The following SLC1A2 variants were observed in gnomAD, a reference collection of about 807,000 sequenced individuals.
SLC1A2 encodes solute carrier family 1 member 2.
In SLC1A2, 15 loss-of-function variants were observed where a neutral mutation model predicts 48.8. That is an observed-to-expected ratio of 0.31 (90% CI 0.21 to 0.47). SLC1A2 has a LOEUF of 0.47. Ranked by LOEUF, SLC1A2 falls within the 20% of genes least tolerant of loss-of-function variation. The pLI is 0.99. For missense variants in SLC1A2, 502 were observed against 730.5 expected (o/e 0.69, Z 3.61); for synonymous variants, 279 against 272.6 (o/e 1.02, Z -0.23).
chr11:35,352,238 C>G (rs1313381257), intron 1 of SLC1A2: 1 of 152,202 alleles, frequency 6.6e-6, no homozygotes, highest in Non-Finnish European at 1.5e-5. Flanking sequence ...TACTTACATA[C>G]CATGCCCTGG....
chr11:35,303,694 T>C (rs1356259672), intron 5 of SLC1A2, among the ~76,000 whole-genome samples: 1 of 152,196 alleles, frequency 6.6e-6, no homozygotes, highest in Non-Finnish European at 1.5e-5. Context: ...CAGCAGAAAC[T>C]GGCCATATCT....
At chr11:35,397,523 T>C (rs2135261189) in intron 1 of SLC1A2, among the ~76,000 whole-genome samples, 1 of 151,294 alleles carries the variant, frequency 6.6e-6, no homozygotes, top group African/African-American at 2.4e-5. Flanking sequence ...TATACAAAAA[T>C]CAATTCAAGA....
intron 1 of SLC1A2, among the ~76,000 whole-genome samples, chr11:35,358,376 T>C (rs1853558233): frequency 6.6e-6 from 1 of 152,176 alleles, no homozygotes; most frequent in Admixed American, 6.5e-5. Flanking sequence ...ATTAATCATG[T>C]TTTTAAAAGC....
At chr11:35,318,221 T>C (rs1851946179) in intron 1 of SLC1A2, among the ~76,000 whole-genome samples, 1 of 152,218 alleles carries the variant, frequency 6.6e-6, no homozygotes, top group South Asian at 2.1e-4. Flanking sequence ...CAAGCCCTTT[T>C]CTGGGTTAAC....
intron 1 of SLC1A2, among the ~76,000 whole-genome samples, chr11:35,415,970 C>A (rs1239853712): frequency 6.6e-6 from 1 of 152,156 alleles, no homozygotes; most frequent in Non-Finnish European, 1.5e-5. Flanking sequence ...GGGTCAGGGA[C>A]CTAAAAGCCA....
chr11:35,315,081 T>C lies in SLC1A2; in HGVS notation c.252A>G (p.Ile84Met), dbSNP rs569643718. Residue 84 changes from isoleucine to methionine, a missense_variant, in exon 3 of 11, where the codon ATA becomes ATG. By Grantham distance (10) the Ile-to-Met change is conservative (BLOSUM62 1). This residue lies in a region of SLC1A2 where 89 missense variants were observed against 119.7 expected (regional missense o/e 0.74). Transcript: ENST00000278379. Reference sequence around the variant, plus strand: ...TGAGCATTTTTAGCATCCTCATGAGTATATCCCCTGGGAAGGCTATTAACA... The same window carrying C: ...TGAGCATTTTTAGCATCCTCATGAGCATATCCCCTGGGAAGGCTATTAACA... ...VVMLIAFPGD[I>M]LMRMLKMLIL... The C allele has an allele frequency of 6.2e-7, 1 of 1,612,262 alleles. No homozygotes were observed. The highest frequency in any genetic ancestry group is 1.7e-5 in the Admixed American group (1 of 60,000).
At position 35,335,350 on chromosome 11, in the gene SLC1A2, C is replaced by T. The variant is rs774850404; in HGVS notation, c.18-17834G>A. ...AAGATATTGGCCATATAGGCAGCTT[C>T]AGGCCAAGTTCTTTCAAACTTCAGC... On this transcript the variant is annotated intron_variant, in intron 1 of 10. Coordinates refer to ENST00000278379, the MANE Select transcript of SLC1A2 (RefSeq NM_004171.4). Among the ~76,000 whole-genome samples the T allele has an allele frequency of 7.2e-4, 110 of 152,306 alleles. 2 individuals are homozygous for T. Among genetic ancestry groups the T allele is most frequent in the Middle Eastern group, 3.4e-3 (1 of 294 alleles).
intron 1 of SLC1A2, chr11:35,322,536 G>A (rs1037955027): frequency 7.3e-7 from 1 of 1,363,318 alleles, no homozygotes; most frequent in Admixed American, 2.0e-5. Flanking sequence ...TGGAGGATGT[G>A]AGGTTTGCAA....
intron 1 of SLC1A2, chr11:35,360,119 C>T (rs1480435228): frequency 4.1e-6 from 4 of 983,958 alleles, no homozygotes; most frequent in Non-Finnish European, 4.8e-6. Context: ...CACAGTCCTG[C>T]TATACTATAG....
In SLC1A2 at chr11:35,341,616, T is replaced by C. The variant is rs1288227619; in HGVS notation, c.18-24100A>G. Reference sequence around the variant, plus strand: ...TTTTTGCCATCAAATTGACAAAACATCTTTAAAAAGTTGACAACATCTGTG... The same window carrying C: ...TTTTTGCCATCAAATTGACAAAACACCTTTAAAAAGTTGACAACATCTGTG... On this transcript the variant is annotated intron_variant, in intron 1 of 10. Transcript: ENST00000278379. Among the ~76,000 whole-genome samples, 3 of 152,176 alleles carry C rather than the reference T, an allele frequency of 2.0e-5. No individual in the cohort carries two copies. The East Asian group carries it at 5.8e-4, about 29-fold the overall frequency.
intron 9 of SLC1A2, among the ~76,000 whole-genome samples, chr11:35,267,052 T>A (rs559654572): frequency 6.6e-6 from 1 of 152,322 alleles, no homozygotes; most frequent in South Asian, 2.1e-4. Flanking sequence ...CATCTCTCCA[T>A]CTGAGAATGC....
chr11:35,391,633 G>A (rs972641137), intron 1 of SLC1A2: 11 of 152,238 alleles, frequency 7.2e-5, no homozygotes, highest in African/African-American at 2.7e-4. Context: ...GAACAGGTTT[G>A]GTTGGGGAAG....
At position 35,301,618 on chromosome 11, in the gene SLC1A2, C is replaced by T. The variant is rs1444017721; in HGVS notation, c.758G>A (p.Gly253Asp). ...LGLIGFFIAF[G>D]IAMGKMGDQA... Reference sequence around the variant, plus strand: ...ATCTCCCATCTTCCCCATAGCGATGCCAAAAGCAATGAAAAACCCTATCAG... The same window carrying T: ...ATCTCCCATCTTCCCCATAGCGATGTCAAAAGCAATGAAAAACCCTATCAG... The change falls in exon 6 of 11, where the codon GGC becomes GAC. Residue 253 changes from glycine (G) to aspartate (D), a missense_variant. By Grantham distance (94) the Gly-to-Asp change is moderately conservative (BLOSUM62 -1). This residue lies in a region of SLC1A2 where 309 missense variants were observed against 480.3 expected (regional missense o/e 0.64). Coordinates refer to ENST00000278379, the MANE Select transcript of SLC1A2 (RefSeq NM_004171.4). 6.2e-7 allele frequency: 1 copy of T among 1,613,728 alleles called. No individual in the cohort carries two copies. Among genetic ancestry groups the T allele is most frequent in the Admixed American group, 1.7e-5 (1 of 59,998 alleles).
At chr11:35,342,690 G>A (rs905161640) in intron 1 of SLC1A2, among the ~76,000 whole-genome samples, 4 of 152,092 alleles carry the variant, frequency 2.6e-5, no homozygotes, top group African/African-American at 9.7e-5. Context: ...GGAAGCCGAG[G>A]TGGAAGGATC....
chr11:35,362,955 G>A (rs1159517321), intron 1 of SLC1A2, among the ~76,000 whole-genome samples: 1 of 152,220 alleles, frequency 6.6e-6, no homozygotes, highest in Non-Finnish European at 1.5e-5. Flanking sequence ...CATTTGGCTT[G>A]TTTGAATCTT....
chr11:35,353,077 G>A (rs1485559502), intron 1 of SLC1A2, among the ~76,000 whole-genome samples: 1 of 152,024 alleles, frequency 6.6e-6, no homozygotes, highest in Non-Finnish European at 1.5e-5. Context: ...CTGAAATTGG[G>A]ATGCATATTA....
intron 5 of SLC1A2, among the ~76,000 whole-genome samples, chr11:35,305,676 C>T (rs1359741938): frequency 6.6e-6 from 1 of 152,212 alleles, no homozygotes; most frequent in African/African-American, 2.4e-5. Context: ...GGTGGTCCAG[C>T]CCCCGCACCT....
At chr11:35,342,702 C>T (rs1852885223) in intron 1 of SLC1A2, among the ~76,000 whole-genome samples, 1 of 152,078 alleles carries the variant, frequency 6.6e-6, no homozygotes, top group Non-Finnish European at 1.5e-5. Flanking sequence ...GGAAGGATCG[C>T]TTGAGCCCTG....
chr11:35,352,704 T>C (rs1853308184), intron 1 of SLC1A2, among the ~76,000 whole-genome samples: 1 of 152,226 alleles, frequency 6.6e-6, no homozygotes, highest in Non-Finnish European at 1.5e-5. Context: ...TGCCCTTGTT[T>C]TGTAATACAC....
Sources: gnomAD v4.1 joint callset for allele counts (sites outside exome capture counted in the v4.1 genomes callset) on GRCh38, gnomAD v4.1.1 for gene constraint, gnomAD v4.1.1 regional missense constraint, MANE v1.5 for transcripts, NCBI Gene and HGNC (gene_info 2026-07-23, HGNC 2026-07-21) for gene names.